RAD51B: variants seen among roughly 807,000 people sequenced by gnomAD.
The protein encoded by RAD51B is DNA repair protein RAD51 homolog 2.
Under a neutral mutation model 42.2 loss-of-function variants are expected in RAD51B, and 38 were observed. The observed-to-expected ratio is 0.90, with a 90% CI of 0.70 to 1.18. The LOEUF is 1.18. Ranked by LOEUF, RAD51B falls within the 50% of genes most tolerant of loss-of-function variation. The probability of loss-of-function intolerance (pLI) is 0.00; values close to 1 mark genes in which losing one functional copy is unlikely to be tolerated. For missense variants in RAD51B, 373 were observed against 400.7 expected (o/e 0.93, Z 0.59); for synonymous variants, 154 against 145.2 (o/e 1.06, Z -0.43).
At chr14:68,592,232 G>T (rs1423693611) in intron 10 of RAD51B, among the ~76,000 whole-genome samples, 1 of 149,700 alleles carries the variant, frequency 6.7e-6, no homozygotes, top group Non-Finnish European at 1.5e-5. Flanking sequence ...TGAGCAGGGA[G>T]GTACAAAGGG....
At chr14:68,303,597 T>C (rs1351095107) in intron 8 of RAD51B, among the ~76,000 whole-genome samples, 2 of 152,222 alleles carry the variant, frequency 1.3e-5, no homozygotes, top group Non-Finnish European at 2.9e-5. Context: ...TTTGATCTCT[T>C]TGAGGCAAGT....
rs781731436 is a variant in RAD51B, at chr14:67,985,547, A to G, written c.756+98343A>G. Among the ~76,000 whole-genome samples, 18 of 150,332 alleles carry G rather than the reference A, an allele frequency of 1.2e-4. 1 individual carries two copies. The South Asian group carries it at 3.7e-3, about 31-fold the overall frequency. Reference sequence around the variant, plus strand: ...GAATAGGAATTTTCTTGCCATGTCTATTTAGTTTCCTTTAATACAGCAGCT... The same window carrying G: ...GAATAGGAATTTTCTTGCCATGTCTGTTTAGTTTCCTTTAATACAGCAGCT... On this transcript the variant is annotated intron_variant, in intron 7 of 10. Coordinates refer to ENST00000471583, the MANE Select transcript of RAD51B (RefSeq NM_133510.4).
rs114220008 is a variant in RAD51B, at chr14:68,455,037, T to C, written c.958-13135T>C. Among the ~76,000 whole-genome samples, 850 of 150,294 alleles carry C rather than the reference T, an allele frequency of 5.7e-3. 12 individuals are homozygous for C. Among genetic ancestry groups the C allele is most frequent in the African/African-American group, 0.02 (793 of 40,584 alleles). ...AACAGAGTTATATGGCTTGATGGAG[T>C]ATTGAATGCATGCCCCAACATACAC... On this transcript the variant is annotated intron_variant, in intron 9 of 10. Transcript: ENST00000471583.
intron 10 of RAD51B, among the ~76,000 whole-genome samples, chr14:68,569,659 G>T (rs569708149): frequency 1.3e-5 from 2 of 152,194 alleles, no homozygotes; most frequent in African/African-American, 2.4e-5. Context: ...GATGCCGAAC[G>T]TCCCTTATTG....
At chr14:68,310,993 C>T (rs1000580101) in intron 8 of RAD51B, among the ~76,000 whole-genome samples, 1 of 152,168 alleles carries the variant, frequency 6.6e-6, no homozygotes, top group Non-Finnish European at 1.5e-5. Flanking sequence ...AGTGCAGTCT[C>T]TCCAGAACGT....
chr14:68,563,368 T>C, intron 10 of RAD51B: 2 of 985,460 alleles, frequency 2.0e-6, no homozygotes, highest in Non-Finnish European at 2.4e-6. Flanking sequence ...CCAGTGATAC[T>C]GCGAGCTGGG....
intron 7 of RAD51B, among the ~76,000 whole-genome samples, chr14:68,208,354 G>T (rs2079636672): frequency 6.6e-6 from 1 of 152,186 alleles, no homozygotes; most frequent in South Asian, 2.1e-4. Flanking sequence ...CCAGCCTGTG[G>T]CTACTGGCAT....
chr14:68,350,477 G>A (rs143547529), intron 8 of RAD51B, among the ~76,000 whole-genome samples: 1 of 152,360 alleles, frequency 6.6e-6, no homozygotes, highest in Non-Finnish European at 1.5e-5. Flanking sequence ...ATAGCAGAGT[G>A]AGCAAAGGCT....
intron 7 of RAD51B, among the ~76,000 whole-genome samples, chr14:67,930,040 T>C (rs1412630625): frequency 1.3e-5 from 2 of 152,202 alleles, no homozygotes; most frequent in Non-Finnish European, 2.9e-5. Context: ...TCCGTTTGTG[T>C]GGAATATCTT....
intron 7 of RAD51B, among the ~76,000 whole-genome samples, chr14:67,930,686 G>A (rs79479624): frequency 0.06 from 9,106 of 151,980 alleles, 642 homozygotes; most frequent in African/African-American, 0.17. Context: ...CTTTCGCATT[G>A]GATCACTGGT....
At chr14:68,526,959 C>A (rs1484195917) in intron 10 of RAD51B, among the ~76,000 whole-genome samples, 2 of 152,240 alleles carry the variant, frequency 1.3e-5, no homozygotes, top group Non-Finnish European at 2.9e-5. Flanking sequence ...GCCCTGACAA[C>A]AGTGCGGCCT....
chr14:68,298,233 A>G (rs1485940241), intron 8 of RAD51B, among the ~76,000 whole-genome samples: 2 of 152,210 alleles, frequency 1.3e-5, no homozygotes, highest in South Asian at 4.1e-4. Flanking sequence ...ACAGCCTGCA[A>G]ATGTCAGAAA....
intron 7 of RAD51B, among the ~76,000 whole-genome samples, chr14:67,931,963 T>A (rs2044754237): frequency 6.7e-6 from 1 of 149,308 alleles, no homozygotes. Context: ...TTTATTTTTT[T>A]ATTTTTAACT....
chr14:67,895,370 A>G (rs191913948), intron 7 of RAD51B, among the ~76,000 whole-genome samples: 14 of 152,318 alleles, frequency 9.2e-5, no homozygotes, highest in Admixed American at 9.2e-4. Context: ...TTAAGGAGTC[A>G]TTTGGATAAT....
At position 68,407,323 on chromosome 14, in the gene RAD51B, G is replaced by A. The variant is rs189230731; in HGVS notation, c.854-4101G>A. 4.2e-3 allele frequency among the ~76,000 whole-genome samples: 633 copies of A among 152,058 alleles called. 1 individual carries two copies. Among genetic ancestry groups the A allele is most frequent in the Non-Finnish European group, 6.6e-3 (446 of 67,970 alleles). On this transcript the variant is annotated intron_variant, in intron 8 of 10. Transcript: ENST00000471583. ...TAAGTAGAATAGACTCTAAAATATT[G>A]ATAAAAAGTATAGTAAATACATATA... is the stretch of plus-strand genomic sequence containing the variant.
chr14:68,208,253 T>A (rs2079634735), intron 7 of RAD51B, among the ~76,000 whole-genome samples: 1 of 151,832 alleles, frequency 6.6e-6, no homozygotes, highest in Non-Finnish European at 1.5e-5. Flanking sequence ...ACCAAGAGAG[T>A]CCCCAAGAAA....
At chr14:68,567,912 G>A (rs1889502267) in intron 10 of RAD51B, among the ~76,000 whole-genome samples, 3 of 152,172 alleles carry the variant, frequency 2.0e-5, no homozygotes, top group Non-Finnish European at 4.4e-5. Flanking sequence ...CCATATGCAG[G>A]GCTGACATAT....
At chr14:68,104,117 AG>A (rs1836840624) in intron 7 of RAD51B, among the ~76,000 whole-genome samples, 1 of 152,196 alleles carries the variant, frequency 6.6e-6, no homozygotes, top group Admixed American at 6.5e-5. Context: ...AGAGTGAGAG[AG>A]TATATGCAAG....
chr14:68,169,560 T>C (rs542049582), intron 7 of RAD51B, among the ~76,000 whole-genome samples: 1 of 152,300 alleles, frequency 6.6e-6, no homozygotes, highest in Non-Finnish European at 1.5e-5. Flanking sequence ...AAATAACATA[T>C]ACATTTAGAA....
Sources: gnomAD v4.1 joint callset for allele counts (sites outside exome capture counted in the v4.1 genomes callset) on GRCh38, gnomAD v4.1.1 for gene constraint, MANE v1.5 for transcripts, NCBI Gene and HGNC (gene_info 2026-07-23, HGNC 2026-07-21) for gene names.